The following KANK1 variants were observed in gnomAD, a reference collection of about 807,000 sequenced individuals.
The protein encoded by KANK1 is KN motif and ankyrin repeat domains 1.
A neutral mutation model predicts 106.2 loss-of-function variants in KANK1; 109 were observed. The ratio of observed to expected loss-of-function variants is 1.03; its 90% CI spans 0.88 to 1.20. The LOEUF (loss-of-function observed/expected upper bound fraction) is 1.20. Ranked by LOEUF, KANK1 falls within the 50% of genes most tolerant of loss-of-function variation. The pLI is 0.00. For synonymous variants in KANK1, 873 were observed against 652.2 expected (o/e 1.34, Z -5.16); for missense variants, 2,399 against 1,710.7 (o/e 1.40, Z -7.10).
upstream of KANK1, among the ~76,000 whole-genome samples, chr9:504,481 C>T (rs768595340): frequency 4.6e-5 from 7 of 151,688 alleles, no homozygotes; most frequent in Non-Finnish European, 7.4e-5. Context: ...GCCGGGCGTC[C>T]TCTGGGCGGA....
chr9:507,950 C>G (rs932122912), intron 1 of KANK1, among the ~76,000 whole-genome samples: 1 of 151,470 alleles, frequency 6.6e-6, no homozygotes, highest in African/African-American at 2.4e-5. Context: ...TCCCAAAGTG[C>G]TGAGGGATTA....
chr9:512,085 C>T (rs1234086486), intron 1 of KANK1, among the ~76,000 whole-genome samples: 5 of 152,082 alleles, frequency 3.3e-5, no homozygotes, highest in Non-Finnish European at 7.4e-5. Flanking sequence ...GAGCAGAGCA[C>T]CTACACATGT....
rs577613279 is a variant in KANK1, at chr9:597,916, C to CA, written c.-83-78973dup. 5.0e-3 allele frequency among the ~76,000 whole-genome samples: 752 copies of CA among 151,842 alleles called. 26 individuals carry two copies. The highest frequency in any genetic ancestry group is 9.6e-4 in the Non-Finnish European group (65 of 68,016). ...TTGACCTCAGGTGATCCACCCGCCTCAGCCTCCCAAAATGCTGGGATTACA... is the reference window on the plus strand; with the variant it reads ...TTGACCTCAGGTGATCCACCCGCCTCAAGCCTCCCAAAATGCTGGGATTACA... On this transcript the variant is annotated intron_variant, in intron 1 of 11. Coordinates refer to ENST00000382297, the MANE Select transcript of KANK1 (RefSeq NM_015158.5).
At chr9:605,419 ACAGG>A (rs1828856409) in intron 1 of KANK1, among the ~76,000 whole-genome samples, 1 of 151,844 alleles carries the variant, frequency 6.6e-6, no homozygotes, top group Non-Finnish European at 1.5e-5. Flanking sequence ...GGCATCTAAA[ACAGG>A]CAGAGAGCAT....
chr9:635,291 C>A (rs997055725), intron 1 of KANK1, among the ~76,000 whole-genome samples: 1 of 152,136 alleles, frequency 6.6e-6, no homozygotes, highest in Non-Finnish European at 1.5e-5. Flanking sequence ...TACCCGAGTT[C>A]GCTTTGCTCC....
chr9:737,369 G>A lies in KANK1; in HGVS notation c.3334-916G>A, dbSNP rs146907609. ...GAAAGAGGACTTCTTGGGTTCTGGT[G>A]CTTCTGACATAGGCTGTCTTTCTTT... On this transcript the variant is annotated intron_variant, in intron 7 of 11. Coordinates refer to ENST00000382297, the MANE Select transcript of KANK1 (RefSeq NM_015158.5). Among the ~76,000 whole-genome samples the A allele has an allele frequency of 5.8e-4, 88 of 152,314 alleles. 2 individuals are homozygous for A. Among genetic ancestry groups the A allele is most frequent in the African/African-American group, 2.1e-3 (86 of 41,560 alleles).
upstream of KANK1, among the ~76,000 whole-genome samples, chr9:503,020 T>A (rs1158361429): frequency 2.7e-5 from 4 of 148,126 alleles, no homozygotes; most frequent in East Asian, 5.9e-4. Context: ...TTTTTTTTTT[T>A]TTTTTTTTGG....
intron 1 of KANK1, among the ~76,000 whole-genome samples, chr9:599,843 T>C (rs1827269226): frequency 1.3e-5 from 2 of 151,874 alleles, no homozygotes; most frequent in African/African-American, 4.9e-5. Flanking sequence ...ATGGAACCAG[T>C]CCTCCTTGTA....
Position 633,327 on chromosome 9 carries a change from G to A in KANK1, c.-83-43563G>A, listed in dbSNP as rs568973855. ...AAAAAAATTAGCCGGGCGTGGTGGC[G>A]GGCGCCTGTAGTCCCAGCTACTTGG... On this transcript the variant is annotated intron_variant, in intron 1 of 11. Coordinates refer to ENST00000382297, the MANE Select transcript of KANK1 (RefSeq NM_015158.5). 8.4e-4 allele frequency among the ~76,000 whole-genome samples: 128 copies of A among 152,070 alleles called. 1 individual carries two copies. Among genetic ancestry groups the A allele is most frequent in the Non-Finnish European group, 1.1e-3 (77 of 67,990 alleles).
At chr9:614,262 T>C (rs1327577434) in intron 1 of KANK1, among the ~76,000 whole-genome samples, 1 of 152,146 alleles carries the variant, frequency 6.6e-6, no homozygotes, top group Non-Finnish European at 1.5e-5. Context: ...CGACCCTCAG[T>C]GTTTGTTTAA....
In KANK1 at chr9:558,438, C is replaced by T. The variant is rs1333972881; in HGVS notation, c.-84+53684C>T. ...TATAACGATTTTGTCAGCTGTCAAC[C>T]GATCAATACATAGCCTTGTTTTGCA... On this transcript the variant is annotated intron_variant, in intron 1 of 11. Coordinates refer to ENST00000382297, the MANE Select transcript of KANK1 (RefSeq NM_015158.5). Among the ~76,000 whole-genome samples the T allele has an allele frequency of 3.3e-5, 5 of 152,136 alleles. No individual in the cohort carries two copies. The East Asian group carries it at 5.8e-4, about 18-fold the overall frequency.
chr9:547,892 T>G (rs2061029934), intron 1 of KANK1, among the ~76,000 whole-genome samples: 1 of 152,258 alleles, frequency 6.6e-6, no homozygotes, highest in African/African-American at 2.4e-5. Context: ...ACTTTATTTC[T>G]GATTATGGCA....
chr9:635,640 G>C (rs896390948), intron 1 of KANK1, among the ~76,000 whole-genome samples: 1 of 150,878 alleles, frequency 6.6e-6, no homozygotes, highest in Non-Finnish European at 1.5e-5. Flanking sequence ...AGTTAATGTG[G>C]CATTCACAAT....
At chr9:471,169 C>G (rs142999649) in intron 2 of KANK1, among the ~76,000 whole-genome samples, 18 of 152,346 alleles carry the variant, frequency 1.2e-4, no homozygotes, top group African/African-American at 4.1e-4. Context: ...ATTATATCAT[C>G]TCTTCCATCT....
intron 1 of KANK1, among the ~76,000 whole-genome samples, chr9:529,863 C>A (rs1417271969): frequency 6.6e-6 from 1 of 152,204 alleles, no homozygotes; most frequent in African/African-American, 2.4e-5. Context: ...CTCCAGCTGC[C>A]TTTCATGGAA....
Position 676,872 on chromosome 9 carries a change from C to A in KANK1, c.-83-18C>A. On this transcript the variant is annotated intron_variant, in intron 1 of 11. Coordinates refer to ENST00000382297, the MANE Select transcript of KANK1 (RefSeq NM_015158.5). ...TTTTAAATGATCCATTTTGATGGGG[C>A]TCTCTTTATTGTTTCAGGTTGAATG... The A allele has an allele frequency of 1.2e-6, 1 of 835,728 alleles. No individual in the cohort carries two copies. The highest frequency in any genetic ancestry group is 2.0e-6 in the Non-Finnish European group (1 of 499,518). 51.8% of individuals were successfully genotyped at this position (835,728 alleles called of 1,614,324 possible). A position where few individuals can be genotyped will look rare whatever the true frequency, so the allele number is the denominator to read the frequency against.
At chr9:632,815 G>C (rs188530870) in intron 1 of KANK1, among the ~76,000 whole-genome samples, 1 of 151,976 alleles carries the variant, frequency 6.6e-6, no homozygotes, top group Admixed American at 6.5e-5. Context: ...TCTGCCATTC[G>C]AGTAGCTGGG....
intron 3 of KANK1, chr9:477,739 A>G (rs2058131000): frequency 6.6e-6 from 1 of 152,266 alleles, no homozygotes; most frequent in Non-Finnish European, 1.5e-5. Context: ...CAAGTGGCCC[A>G]TGCCAATATG....
chr9:505,548 G>C (rs1019659568), intron 1 of KANK1, among the ~76,000 whole-genome samples: 1 of 152,226 alleles, frequency 6.6e-6, no homozygotes. Flanking sequence ...CTCCTTGACC[G>C]TTCATCTCCT....
Sources: gnomAD v4.1 joint callset for allele counts (sites outside exome capture counted in the v4.1 genomes callset) on GRCh38, gnomAD v4.1.1 for gene constraint, MANE v1.5 for transcripts, NCBI Gene and HGNC (gene_info 2026-07-23, HGNC 2026-07-21) for gene names.